NMNAT3: variants seen among roughly 807,000 people sequenced by gnomAD.
NMNAT3 encodes the protein nicotinamide nucleotide adenylyltransferase 3.
NMNAT3 carries 21 observed loss-of-function variants against 24.8 expected under a neutral mutation model. That is an observed-to-expected ratio of 0.85 (90% CI 0.60 to 1.22). The LOEUF (loss-of-function observed/expected upper bound fraction) is 1.22. NMNAT3 is among the 50% of genes most tolerant of loss of function. The pLI, the probability that NMNAT3 is intolerant of heterozygous loss-of-function variation, is 0.00. For missense variants in NMNAT3, 387 were observed against 436.6 expected (o/e 0.89, Z 1.01); for synonymous variants, 136 against 155.2 (o/e 0.88, Z 0.92).
chr3:139,634,507 C>T (rs1482795631), intron 2 of NMNAT3, 104 bp downstream of exon 3: 2 of 152,114 alleles, frequency 1.3e-5, no homozygotes, highest in Non-Finnish European at 2.9e-5. Context: ...AGCGTGTCGA[C>T]TTCTCTAGGG....
chr3:139,648,376 G>A (rs892429399), intron 1 of NMNAT3, among the ~76,000 whole-genome samples: 11 of 152,208 alleles, frequency 7.2e-5, no homozygotes, highest in Non-Finnish European at 1.2e-4. Context: ...ATAGCAGTGT[G>A]AAAATGGACT....
chr3:139,608,428 G>C (rs2055042753), intron 3 of NMNAT3, among the ~76,000 whole-genome samples: 1 of 152,194 alleles, frequency 6.6e-6, no homozygotes, highest in African/African-American at 2.4e-5. Flanking sequence ...CAACTGTTTT[G>C]AGGATGAATT....
In NMNAT3 at chr3:139,582,107, A is replaced by G. The variant is rs2053648113; in HGVS notation, c.391+820T>C. Among the ~76,000 whole-genome samples, 3 of 149,202 alleles carry G rather than the reference A, an allele frequency of 2.0e-5. No homozygotes were observed. The South Asian group carries it at 6.6e-4, about 33-fold the overall frequency. ...CTGCTAGCAAGGCTGAGGCAGGAGA[A>G]TCGCCTGAGCCCAGGAGGCAGAGGT... On this transcript the variant is annotated intron_variant, in intron 4 of 6. Coordinates refer to ENST00000643695, the MANE Select transcript of NMNAT3 (RefSeq NM_001320510.2).
intron 2 of NMNAT3, chr3:139,634,998 T>C (rs148818613): frequency 6.6e-5 from 10 of 152,334 alleles, no homozygotes; most frequent in African/African-American, 2.2e-4. Context: ...GTGAGCCACA[T>C]AGAAAGTGGA....
chr3:139,618,237 G>T (rs2055599788), intron 3 of NMNAT3, among the ~76,000 whole-genome samples: 1 of 152,132 alleles, frequency 6.6e-6, no homozygotes, highest in Admixed American at 6.5e-5. Flanking sequence ...TCTTGAGCAC[G>T]GATGACTTTG....
intron 3 of NMNAT3, among the ~76,000 whole-genome samples, chr3:139,605,240 C>T (rs1047594271): frequency 1.3e-5 from 2 of 152,208 alleles, no homozygotes; most frequent in African/African-American, 2.4e-5. Flanking sequence ...ATTCCTTAGA[C>T]ATCTTGATAT....
chr3:139,597,984 T>C (rs1231743428), intron 3 of NMNAT3, among the ~76,000 whole-genome samples: 1 of 152,240 alleles, frequency 6.6e-6, no homozygotes, highest in Non-Finnish European at 1.5e-5. Flanking sequence ...TGATAATTTG[T>C]AGTTTTTATG....
intron 3 of NMNAT3, among the ~76,000 whole-genome samples, chr3:139,625,341 A>T (rs1285786171): frequency 6.6e-6 from 1 of 152,156 alleles, no homozygotes; most frequent in Non-Finnish European, 1.5e-5. Context: ...GATTATTGAT[A>T]TAGTTAGGTT....
chr3:139,605,349 T>C (rs1026833059), intron 3 of NMNAT3, among the ~76,000 whole-genome samples: 1 of 151,778 alleles, frequency 6.6e-6, no homozygotes, highest in Non-Finnish European at 1.5e-5. Flanking sequence ...CAGGCACAGA[T>C]TTTTTTTTAT....
chr3:139,572,492 C>T (rs142723963), intron 6 of NMNAT3, among the ~76,000 whole-genome samples: 321 of 152,224 alleles, frequency 2.1e-3, no homozygotes, highest in African/African-American at 7.6e-3. Flanking sequence ...ATTAAATATC[C>T]AGATTCCTGG....
chr3:139,627,469 C>A, intron 3 of NMNAT3, 147 bp downstream of exon 4: 1 of 564,194 alleles, frequency 1.8e-6, no homozygotes, highest in Non-Finnish European at 3.2e-6. Flanking sequence ...TAAGCATCAA[C>A]CCTTTGAATA....
intron 3 of NMNAT3, chr3:139,583,284 C>G (rs1260405301): frequency 1.6e-6 from 2 of 1,279,598 alleles, no homozygotes; most frequent in African/African-American, 2.9e-5. Flanking sequence ...GTACTTTTAC[C>G]ATCTGTTTCA....
rs528075932 is a variant in NMNAT3, at chr3:139,572,641, C to T, written c.658+957G>A. On this transcript the variant is annotated intron_variant, in intron 6 of 6. Transcript: ENST00000643695. ...CACCTTTAGGGCCTGGTAGCATTTC[C>T]AAGTCTTTTTAGAAGAGTGTTTCCC... 5.9e-5 allele frequency among the ~76,000 whole-genome samples: 9 copies of T among 152,276 alleles called. No homozygotes were observed. The South Asian group carries it at 1.9e-3, about 32-fold the overall frequency.
In NMNAT3 at chr3:139,674,845, G is replaced by C. The variant is rs560489503; in HGVS notation, c.-141+2860C>G. Among the ~76,000 whole-genome samples, 162 of 152,092 alleles carry C rather than the reference G, an allele frequency of 1.1e-3. 2 individuals are homozygous for C. The South Asian group carries it at 0.016, about 15-fold the overall frequency. ...AATAATAAGGCAGCCATTATTGACCGGGCACTTACCATACTGCATGTTGTA... is the reference window on the plus strand; with the variant it reads ...AATAATAAGGCAGCCATTATTGACCCGGCACTTACCATACTGCATGTTGTA... On this transcript the variant is annotated intron_variant, in intron 1 of 6. Coordinates refer to ENST00000643695, the MANE Select transcript of NMNAT3 (RefSeq NM_001320510.2).
At chr3:139,605,984 T>C (rs764909526) in intron 3 of NMNAT3, among the ~76,000 whole-genome samples, 4 of 152,198 alleles carry the variant, frequency 2.6e-5, no homozygotes, top group Non-Finnish European at 5.9e-5. Context: ...TGTCTTCCTT[T>C]GTAATTCTAC....
chr3:139,625,578 C>T (rs758886861), intron 3 of NMNAT3, among the ~76,000 whole-genome samples: 1 of 152,052 alleles, frequency 6.6e-6, no homozygotes, highest in Non-Finnish European at 1.5e-5. Flanking sequence ...GTATACTTCC[C>T]TTTTACCCCC....
intron 1 of NMNAT3, among the ~76,000 whole-genome samples, chr3:139,665,758 G>GAA (rs1491045547): frequency 1.5e-5 from 2 of 137,608 alleles, no homozygotes; most frequent in African/African-American, 5.4e-5. Flanking sequence ...GAGAGAGAGA[G>GAA]ACCTTTTTGT....
At chr3:139,617,658 TA>T (rs888341473) in intron 3 of NMNAT3, among the ~76,000 whole-genome samples, 1 of 152,220 alleles carries the variant, frequency 6.6e-6, no homozygotes, top group Non-Finnish European at 1.5e-5. Context: ...AAGTTCGATT[TA>T]AAATAAACAC....
At chr3:139,565,278 G>A (rs1441587137) in intron 6 of NMNAT3, 1 of 152,120 alleles carries the variant, frequency 6.6e-6, no homozygotes, top group African/African-American at 2.4e-5. Context: ...CCTAGAATGG[G>A]AATTTATCAA....
Sources: gnomAD v4.1 joint callset for allele counts (sites outside exome capture counted in the v4.1 genomes callset) on GRCh38, gnomAD v4.1.1 for gene constraint, MANE v1.5 for transcripts, NCBI Gene and HGNC (gene_info 2026-07-23, HGNC 2026-07-21) for gene names.